Variants in SNX11 observed in about 807,000 individuals in gnomAD.
SNX11 encodes sorting nexin 11, also known as sorting nexin-11.
SNX11 carries 19 observed loss-of-function variants against 30.7 expected under a neutral mutation model. The observed-to-expected ratio is 0.62, with a 90% CI of 0.43 to 0.91. The LOEUF is 0.91. Among genes scored for constraint, SNX11 ranks in the 40% least tolerant of loss-of-function variants. SNX11 has a pLI of 0.00. For synonymous variants in SNX11, 112 were observed against 119.0 expected, an observed-to-expected ratio of 0.94 and a Z score of 0.38; for missense variants, 302 against 326.7, an observed-to-expected ratio of 0.92 and a Z score of 0.58.
intron 3 of SNX11, 62 bp downstream of exon 3, chr17:48,112,722 A>C (rs1598331170): frequency 3.5e-6 from 3 of 861,356 alleles, no homozygotes. Context: ...GCTTGTACTG[A>C]GGTGTAACCT....
In SNX11 at chr17:48,122,495, C is replaced by G. The variant is rs2063611508; in HGVS notation, c.*987C>G. On this transcript the variant is annotated 3_prime_UTR_variant, in exon 7 of 7. Coordinates refer to ENST00000359238, the MANE Select transcript of SNX11 (RefSeq NM_013323.3). ...TCCTTCAGACAATGAGGCATTCTGT[C>G]CTCCTGCTGCCATTCTTCATCTCCA... 1 of 152,628 alleles carries G rather than the reference C, an allele frequency of 6.6e-6. No individual in the cohort carries two copies. The allele number at this position is 152,628 out of a possible 1,614,324, so 9.5% of individuals were successfully genotyped here.
At position 48,121,338 on chromosome 17, in the gene SNX11, G is replaced by T. The variant is rs752617697; in HGVS notation, c.643G>T (p.Val215Phe). 12 of 1,613,982 alleles carry T rather than the reference G, an allele frequency of 7.4e-6. No individual in the cohort carries two copies. The highest frequency in any genetic ancestry group is 4.0e-5 in the African/African-American group (3 of 74,876). ...GTGGGCTCCAGTTGTTGACTCTGAG[G>T]TTCCTTCCTTGGAAAGTCCCACTCT... is the stretch of plus-strand genomic sequence containing the variant. Reference protein sequence around the residue: ...EVWAPVVDSEVPSLESPTLPP... With the variant: ...EVWAPVVDSEFPSLESPTLPP... The change falls in exon 7 of 7, where the codon GTT (valine) becomes TTT (phenylalanine). Residue 215 changes from valine to phenylalanine, a missense_variant. Coordinates refer to ENST00000359238, the MANE Select transcript of SNX11 (RefSeq NM_013323.3).
chr17:48,113,302 C>T lies in SNX11; in HGVS notation c.131C>T (p.Thr44Ile). ...TACTTCATGTGCTTTCATGTATAGA[C>T]CAACAGCAAAGCCTTTACTGCCAAG... ...SYVDYKIFLHTNSKAFTAKTS... is the reference protein window; with the variant it reads ...SYVDYKIFLHINSKAFTAKTS... Residue 44 changes from threonine to isoleucine, a missense_variant and splice_region_variant, in exon 4 of 7, where the codon ACC becomes ATC. Physicochemically the swap from Thr to Ile is moderately conservative, Grantham distance 89 (BLOSUM62 -1). Transcript: ENST00000359238. 1 of 1,612,584 alleles carries T rather than the reference C, an allele frequency of 6.2e-7. No individual in the cohort carries two copies. The highest frequency in any genetic ancestry group is 1.1e-5 in the South Asian group (1 of 91,056).
intron 4 of SNX11, among the ~76,000 whole-genome samples, chr17:48,118,278 C>A (rs138509601): frequency 6.6e-6 from 1 of 151,948 alleles, no homozygotes; most frequent in Non-Finnish European, 1.5e-5. Flanking sequence ...TTAGCACCAC[C>A]CCTTATTAAA....
At chr17:48,114,873 C>T (rs957481965) in intron 4 of SNX11, among the ~76,000 whole-genome samples, 2 of 151,226 alleles carry the variant, frequency 1.3e-5, no homozygotes, top group Non-Finnish European at 3.0e-5. Flanking sequence ...TACCACGTTG[C>T]CCAGGCTGGT....
intron 4 of SNX11, 125 bp from the exon 5 acceptor site, chr17:48,118,579 A>G (rs1364386549): frequency 8.9e-6 from 3 of 335,456 alleles, no homozygotes; most frequent in African/African-American, 2.2e-5. Context: ...CTCCATCTCA[A>G]AAAAAAAAAA....
Position 48,113,374 on chromosome 17 carries a change from A to G in SNX11, c.203A>G (p.Lys68Arg). The change falls in exon 4 of 7, where the codon AAG becomes AGG. Residue 68 changes from lysine (K) to arginine (R), a missense_variant. Physicochemically the swap from Lys to Arg is conservative, Grantham distance 26. Transcript: ENST00000359238. The stretch of plus-strand genomic sequence containing the variant: ...TACCGTGAGTTCGTGTGGCTGAGAA[A>G]GCAGCTACAGAGAAATGCTGGTTTG... The part of the protein sequence containing the change: ...RRYREFVWLR[K>R]QLQRNAGLVP... The G allele has an allele frequency of 6.2e-7, 1 of 1,613,650 alleles. No individual in the cohort carries two copies. The highest frequency in any genetic ancestry group is 1.1e-5 in the South Asian group (1 of 91,082).
intron 6 of SNX11, among the ~76,000 whole-genome samples, chr17:48,121,023 T>C (rs2063595697): frequency 6.6e-6 from 1 of 152,136 alleles, no homozygotes; most frequent in Non-Finnish European, 1.5e-5. Flanking sequence ...TCTCACTCTG[T>C]TGCCCAGGCT....
chr17:48,115,085 G>A (rs1355293050), intron 4 of SNX11, among the ~76,000 whole-genome samples: 1 of 131,084 alleles, frequency 7.6e-6, no homozygotes, highest in Non-Finnish European at 1.6e-5. Flanking sequence ...TTTTTGAGAC[G>A]GAGTCTCACT....
intron 4 of SNX11, 148 bp downstream of exon 4, chr17:48,113,549 T>G (rs1320002269): frequency 4.8e-5 from 7 of 146,750 alleles, no homozygotes; most frequent in South Asian, 1.9e-4. Context: ...GTTTTTTGGG[T>G]TTTTTTTTTT....
chr17:48,113,681 G>A (rs1441497580), intron 4 of SNX11: 2 of 348,324 alleles, frequency 5.7e-6, no homozygotes, highest in Admixed American at 4.5e-5. Flanking sequence ...AAGTGGCTGG[G>A]ACTACAGGTG....
At chr17:48,110,055 T>C (rs1295092954) in intron 1 of SNX11, among the ~76,000 whole-genome samples, 1 of 152,160 alleles carries the variant, frequency 6.6e-6, no homozygotes, top group Non-Finnish European at 1.5e-5. Context: ...TAGTTTTGTT[T>C]AAAGACACTT....
chr17:48,114,891 T>C (rs1359414763), intron 4 of SNX11, among the ~76,000 whole-genome samples: 3 of 151,170 alleles, frequency 2.0e-5, no homozygotes, highest in African/African-American at 7.3e-5. Flanking sequence ...GGTGTCGAAC[T>C]CCTGAGCTCA....
chr17:48,122,230 C>G lies in SNX11; in HGVS notation c.*722C>G, dbSNP rs7222136. The G allele has an allele frequency of 0.73, 111,926 of 153,734 alleles. 41,486 individuals are homozygous for G. Among genetic ancestry groups the G allele is most frequent in the Admixed American group, 0.81 (12,460 of 15,292 alleles). The allele number at this position is 153,734 out of a possible 1,614,324, so 9.5% of individuals were successfully genotyped here. A position where few individuals can be genotyped will look rare whatever the true frequency, so the allele number is the denominator to read the frequency against. ...GCCTTTATTTTGGGAAAGGCTGTCC[C>G]GGGCTGTTACTGTCTCTTCTGGTTA... On this transcript the variant is annotated 3_prime_UTR_variant, in exon 7 of 7. Coordinates refer to ENST00000359238, the MANE Select transcript of SNX11 (RefSeq NM_013323.3).
At chr17:48,118,321 C>T (rs541674277) in intron 4 of SNX11, among the ~76,000 whole-genome samples, 14 of 152,226 alleles carry the variant, frequency 9.2e-5, no homozygotes, top group Admixed American at 2.6e-4. Context: ...TGGCTCATGC[C>T]TGTAATCCCA....
chr17:48,111,167 G>A, intron 1 of SNX11: 1 of 982,786 alleles, frequency 1.0e-6, no homozygotes, highest in Non-Finnish European at 1.2e-6. Flanking sequence ...AGTATGGATT[G>A]GATAAGGGGA....
At chr17:48,111,956 G>A (rs1035939608) in intron 1 of SNX11, 75 bp from the exon 2 acceptor site, 25 of 1,255,828 alleles carry the variant, frequency 2.0e-5, no homozygotes, top group South Asian at 3.7e-5. Flanking sequence ...AAAAACTTTC[G>A]GGGTTTTCCC....
chr17:48,112,106 G>A (rs2063498233), intron 2 of SNX11, 21 bp downstream of exon 2: 1 of 1,611,170 alleles, frequency 6.2e-7, no homozygotes, highest in Non-Finnish European at 8.5e-7. Context: ...GGTCTGCAGA[G>A]AACAGGTGGG....
chr17:48,110,375 T>G (rs1311910625), intron 1 of SNX11, among the ~76,000 whole-genome samples: 3 of 152,210 alleles, frequency 2.0e-5, no homozygotes, highest in Non-Finnish European at 4.4e-5. Context: ...TGTAGCCCAA[T>G]TTTGTCATGG....
Sources: gnomAD v4.1 joint callset for allele counts (sites outside exome capture counted in the v4.1 genomes callset) on GRCh38, gnomAD v4.1.1 for gene constraint, MANE v1.5 for transcripts, NCBI Gene and HGNC (gene_info 2026-07-23, HGNC 2026-07-21) for gene names.